SCHIP1: variants seen among roughly 807,000 people sequenced by gnomAD.
SCHIP1 encodes schwannomin-interacting protein 1.
Under a neutral mutation model 29.7 loss-of-function variants are expected in SCHIP1, and 8 were observed. The ratio of observed to expected loss-of-function variants is 0.27; its 90% confidence interval spans 0.16 to 0.49. The LOEUF is 0.49. Among genes scored for constraint, SCHIP1 ranks in the 20% least tolerant of loss-of-function variants. The pLI, the probability that SCHIP1 is intolerant of heterozygous loss-of-function variation, is 0.99. For missense variants in SCHIP1, 193 were observed against 294.6 expected (o/e 0.66, Z 2.52); for synonymous variants, 76 against 94.9 (o/e 0.80, Z 1.16).
At chr3:159,486,099 AG>A in the SCHIP1 span, among the ~76,000 whole-genome samples, 1 of 152,184 alleles carries the variant, frequency 6.6e-6, no homozygotes, top group Non-Finnish European at 1.5e-5. Context: ...GTTACAGTTA[AG>A]CTAATTAACA....
the SCHIP1 span, among the ~76,000 whole-genome samples, chr3:159,704,880 C>CTTTCTTTCTTTCTTTCTTTA: frequency 1.4e-4 from 13 of 94,290 alleles, no homozygotes; most frequent in Non-Finnish European, 2.4e-4. Context: ...TTCTTTCTTT[C>CTTTCTTTCTTTCTTTCTTTA]TTTCTTTCTT....
chr3:159,425,159 C>T, the SCHIP1 span, among the ~76,000 whole-genome samples: 5 of 151,726 alleles, frequency 3.3e-5, no homozygotes, highest in East Asian at 2.0e-4. Flanking sequence ...CCAGCTAACA[C>T]CATAATGACA....
At chr3:159,436,264 G>T in the SCHIP1 span, among the ~76,000 whole-genome samples, 2 of 152,180 alleles carry the variant, frequency 1.3e-5, no homozygotes, top group Admixed American at 1.3e-4. Flanking sequence ...ATGAAAAGTA[G>T]TAGTGTAGGC....
At chr3:159,840,617 G>C (rs1744134945) in intron 1 of SCHIP1, among the ~76,000 whole-genome samples, 1 of 152,108 alleles carries the variant, frequency 6.6e-6, no homozygotes. Flanking sequence ...CAGCTTTTAG[G>C]ACTATCTTTA....
At chr3:159,566,425 G>C in the SCHIP1 span, among the ~76,000 whole-genome samples, 4 of 152,062 alleles carry the variant, frequency 2.6e-5, no homozygotes, top group African/African-American at 9.7e-5. Flanking sequence ...CCAAAACCCT[G>C]CCTTTATGAG....
chr3:159,585,376 C>G, the SCHIP1 span, among the ~76,000 whole-genome samples: 1 of 152,122 alleles, frequency 6.6e-6, no homozygotes, highest in Non-Finnish European at 1.5e-5. Context: ...TGGTAATTTT[C>G]TTTCACAGGA....
chr3:159,558,417 C>T, the SCHIP1 span, among the ~76,000 whole-genome samples: 1 of 152,152 alleles, frequency 6.6e-6, no homozygotes, highest in Admixed American at 6.5e-5. Flanking sequence ...CCTGCTTCTT[C>T]TAGGACAATA....
the SCHIP1 span, among the ~76,000 whole-genome samples, chr3:159,684,309 C>T: frequency 6.6e-6 from 1 of 152,172 alleles, no homozygotes; most frequent in African/African-American, 2.4e-5. Context: ...CTTGTCTTTC[C>T]TTCAAAAACC....
chr3:159,828,008 A>C, the SCHIP1 span, among the ~76,000 whole-genome samples: 1 of 151,994 alleles, frequency 6.6e-6, no homozygotes, highest in Admixed American at 6.6e-5. Flanking sequence ...GAAGACCTTC[A>C]ATTGAAATCT....
the SCHIP1 span, among the ~76,000 whole-genome samples, chr3:159,621,457 T>C: frequency 1.3e-3 from 199 of 152,308 alleles, no homozygotes; most frequent in African/African-American, 4.8e-3. Flanking sequence ...AACTCAAATA[T>C]CTCCAACTCT....
chr3:159,378,782 A>T, the SCHIP1 span, among the ~76,000 whole-genome samples: 3 of 152,364 alleles, frequency 2.0e-5, no homozygotes, highest in Admixed American at 1.3e-4. Context: ...TTTGTATCTG[A>T]GAAGTCTGCC....
intron 1 of SCHIP1, among the ~76,000 whole-genome samples, chr3:159,848,109 C>T (rs1275889601): frequency 6.6e-6 from 1 of 152,170 alleles, no homozygotes; most frequent in African/African-American, 2.4e-5. Flanking sequence ...TGATAATGAT[C>T]ATTTAAAAGC....
the SCHIP1 span, among the ~76,000 whole-genome samples, chr3:159,733,939 G>A: frequency 5.3e-5 from 8 of 152,160 alleles, no homozygotes; most frequent in East Asian, 1.4e-3. Flanking sequence ...CAAGCAAAAA[G>A]TTAACTTATG....
chr3:159,424,016 A>G, the SCHIP1 span, among the ~76,000 whole-genome samples: 41 of 146,810 alleles, frequency 2.8e-4, no homozygotes, highest in African/African-American at 9.9e-4. Context: ...GTTAGAAGGA[A>G]AACTAACAAA....
the SCHIP1 span, among the ~76,000 whole-genome samples, chr3:159,491,214 G>A: frequency 1.3e-5 from 2 of 152,184 alleles, no homozygotes; most frequent in Non-Finnish European, 2.9e-5. Context: ...ATTTCCAACT[G>A]AGGTACCAGG....
intron 1 of SCHIP1, among the ~76,000 whole-genome samples, chr3:159,862,463 C>T (rs1427979169): frequency 6.6e-6 from 1 of 152,214 alleles, no homozygotes; most frequent in Non-Finnish European, 1.5e-5. Flanking sequence ...AGGTCAGGTA[C>T]AGCTGCTAAG....
At chr3:159,681,530 T>C in the SCHIP1 span, among the ~76,000 whole-genome samples, 2 of 152,324 alleles carry the variant, frequency 1.3e-5, 1 homozygote, top group Middle Eastern at 6.8e-3. Context: ...GATAAAAGTT[T>C]GTATCCTTAA....
the SCHIP1 span, among the ~76,000 whole-genome samples, chr3:159,507,365 C>T: frequency 1.1e-3 from 170 of 152,210 alleles, 1 homozygote; most frequent in African/African-American, 3.8e-3. Flanking sequence ...GGAGATTTTG[C>T]GCTGAGTCGA....
the SCHIP1 span, among the ~76,000 whole-genome samples, chr3:159,814,743 T>C: frequency 6.6e-6 from 1 of 152,240 alleles, no homozygotes; most frequent in Non-Finnish European, 1.5e-5. Context: ...TCCTATGAAT[T>C]GGGCCCTGAA....
Sources: allele counts gnomAD v4.1 joint callset (sites outside exome capture counted in the v4.1 genomes callset), GRCh38; gene constraint gnomAD v4.1.1; transcripts MANE v1.5; gene names NCBI Gene and HGNC (gene_info 2026-07-23, HGNC 2026-07-21).